The following CCDC60 variants were observed in gnomAD, a reference collection of about 807,000 sequenced individuals.
CCDC60 encodes the protein coiled-coil domain-containing protein 60.
A neutral mutation model predicts 63.5 loss-of-function variants in CCDC60; 54 were observed. That is an observed-to-expected ratio of 0.85 (90% CI 0.68 to 1.07). CCDC60 has a LOEUF of 1.07. Ranked by LOEUF, CCDC60 falls within the 50% of genes least tolerant of loss-of-function variation. The probability of loss-of-function intolerance (pLI) is 0.00; values close to 1 mark genes in which losing one functional copy is unlikely to be tolerated. For missense variants in CCDC60, 651 were observed against 684.3 expected (o/e 0.95, Z 0.54); for synonymous variants, 206 against 238.8 (o/e 0.86, Z 1.27).
chr12:119,375,854 A>G (rs1398299536), intron 1 of CCDC60, among the ~76,000 whole-genome samples: 1 of 152,174 alleles, frequency 6.6e-6, no homozygotes, highest in Admixed American at 6.5e-5. Context: ...AAATGAATCA[A>G]GTCCTCAGCT....
chr12:119,382,780 T>C (rs1023991330), intron 1 of CCDC60, among the ~76,000 whole-genome samples: 1 of 152,170 alleles, frequency 6.6e-6, no homozygotes, highest in Non-Finnish European at 1.5e-5. Flanking sequence ...TTCTACACAA[T>C]AGTGATGTGA....
intron 1 of CCDC60, among the ~76,000 whole-genome samples, chr12:119,388,651 A>G (rs1956101153): frequency 6.6e-6 from 1 of 152,172 alleles, no homozygotes; most frequent in Admixed American, 6.6e-5. Flanking sequence ...ATTGATTTGC[A>G]AAGTTTCTAT....
chr12:119,343,411 G>A (rs543458352), intron 1 of CCDC60, among the ~76,000 whole-genome samples: 16 of 152,164 alleles, frequency 1.1e-4, no homozygotes, highest in Non-Finnish European at 2.2e-4. Flanking sequence ...GCATTGTCAG[G>A]GGTTTCATAG....
intron 7 of CCDC60, among the ~76,000 whole-genome samples, chr12:119,513,564 G>A (rs1952270604): frequency 6.6e-6 from 1 of 152,136 alleles, no homozygotes; most frequent in African/African-American, 2.4e-5. Flanking sequence ...AAGGACACTA[G>A]TCATTGGATA....
chr12:119,431,542 A>C (rs1438292444), intron 2 of CCDC60, among the ~76,000 whole-genome samples: 1 of 152,196 alleles, frequency 6.6e-6, no homozygotes. Context: ...ATGACTCCTA[A>C]ACCATAATTT....
intron 1 of CCDC60, among the ~76,000 whole-genome samples, chr12:119,403,997 T>C (rs956659777): frequency 1.3e-5 from 2 of 152,156 alleles, no homozygotes; most frequent in Non-Finnish European, 2.9e-5. Flanking sequence ...TCAGAAGTCA[T>C]TTCCTTTAGG....
intron 2 of CCDC60, among the ~76,000 whole-genome samples, chr12:119,446,606 G>A (rs747698967): frequency 1.3e-5 from 2 of 152,124 alleles, no homozygotes; most frequent in South Asian, 2.1e-4. Context: ...AAAAGGGAGA[G>A]GGAGAGGGAG....
intron 5 of CCDC60, among the ~76,000 whole-genome samples, chr12:119,491,287 T>C (rs1327641653): frequency 6.6e-6 from 1 of 152,232 alleles, no homozygotes; most frequent in East Asian, 1.9e-4. Flanking sequence ...CAAGTAGTAC[T>C]GTGTGGAATA....
chr12:119,449,685 T>A (rs928659129), intron 2 of CCDC60, among the ~76,000 whole-genome samples: 1 of 152,148 alleles, frequency 6.6e-6, no homozygotes. Context: ...GACTGAGAAA[T>A]TGCCCTGCAT....
At chr12:119,365,484 G>A (rs915761492) in intron 1 of CCDC60, among the ~76,000 whole-genome samples, 9 of 152,140 alleles carry the variant, frequency 5.9e-5, no homozygotes, top group Admixed American at 5.9e-4. Context: ...CCTGGAAATT[G>A]TCACATTATA....
At chr12:119,406,877 G>A (rs1291920931) in intron 1 of CCDC60, among the ~76,000 whole-genome samples, 1 of 152,154 alleles carries the variant, frequency 6.6e-6, no homozygotes, top group African/African-American at 2.4e-5. Context: ...GAGACATGGT[G>A]ACAGGCATCA....
intron 12 of CCDC60, among the ~76,000 whole-genome samples, chr12:119,529,963 G>A (rs900322189): frequency 2.0e-5 from 3 of 152,104 alleles, no homozygotes; most frequent in Non-Finnish European, 1.5e-5. Flanking sequence ...CCACAGCGTC[G>A]TAAGGATGAT....
chr12:119,364,560 T>C (rs2136169313), intron 1 of CCDC60, among the ~76,000 whole-genome samples: 1 of 152,202 alleles, frequency 6.6e-6, no homozygotes, highest in African/African-American at 2.4e-5. Context: ...ATCAGTGGCC[T>C]GCTCTCTTTT....
At chr12:119,535,688 G>A (rs1237401338) in intron 13 of CCDC60, among the ~76,000 whole-genome samples, 1 of 152,160 alleles carries the variant, frequency 6.6e-6, no homozygotes, top group South Asian at 2.1e-4. Flanking sequence ...TAGTCATTCA[G>A]GAGCAGGATG....
At chr12:119,335,754 G>A (rs1313929395) in intron 1 of CCDC60, among the ~76,000 whole-genome samples, 1 of 151,910 alleles carries the variant, frequency 6.6e-6, no homozygotes, top group Non-Finnish European at 1.5e-5. Flanking sequence ...TAGGTTGCCT[G>A]TTCACTCTGA....
intron 2 of CCDC60, among the ~76,000 whole-genome samples, chr12:119,459,049 C>T (rs1192688944): frequency 3.9e-5 from 6 of 152,174 alleles, no homozygotes; most frequent in African/African-American, 1.2e-4. Context: ...CCACCACACC[C>T]GGCCAAGAGA....
At chr12:119,339,200 T>C (rs893392968) in intron 1 of CCDC60, among the ~76,000 whole-genome samples, 1 of 152,112 alleles carries the variant, frequency 6.6e-6, no homozygotes, top group Non-Finnish European at 1.5e-5. Context: ...AAGCAGATTG[T>C]GTATAGGATT....
At chr12:119,361,187 G>A in intron 1 of CCDC60, among the ~76,000 whole-genome samples, 1 of 126,044 alleles carries the variant, frequency 7.9e-6, no homozygotes, top group Non-Finnish European at 1.6e-5. Flanking sequence ...AGAGGGAGAG[G>A]GAGAGGGAGA....
intron 13 of CCDC60, among the ~76,000 whole-genome samples, chr12:119,535,208 G>T (rs904152875): frequency 3.3e-5 from 5 of 152,144 alleles, no homozygotes; most frequent in African/African-American, 1.2e-4. Flanking sequence ...GCGCAGAGGT[G>T]TTTATGGTAT....
Sources: gnomAD v4.1 joint callset for allele counts (sites outside exome capture counted in the v4.1 genomes callset) on GRCh38, gnomAD v4.1.1 for gene constraint, MANE v1.5 for transcripts, NCBI Gene and HGNC (gene_info 2026-07-23, HGNC 2026-07-21) for gene names.